Variants in DGKG observed in about 807,000 individuals in gnomAD.
The protein encoded by DGKG is DAG kinase gamma.
In DGKG, 78 loss-of-function variants were observed where a neutral mutation model predicts 105.3. The observed-to-expected ratio is 0.74, with a 90% CI of 0.62 to 0.89. DGKG has a LOEUF of 0.89. Ranked by LOEUF, DGKG falls within the 40% of genes least tolerant of loss-of-function variation. DGKG has a pLI of 0.00. For synonymous variants in DGKG, 346 were observed against 367.1 expected (o/e 0.94, Z 0.66); for missense variants, 958 against 1,020.1 (o/e 0.94, Z 0.83).
intron 1 of DGKG, among the ~76,000 whole-genome samples, chr3:186,357,882 A>G (rs1286223727): frequency 6.6e-6 from 1 of 152,280 alleles, no homozygotes; most frequent in East Asian, 1.9e-4. Flanking sequence ...TATGATAGCC[A>G]GAAATCACAT....
intron 22 of DGKG, among the ~76,000 whole-genome samples, chr3:186,180,391 C>T (rs951028768): frequency 6.6e-6 from 1 of 152,104 alleles, no homozygotes; most frequent in Non-Finnish European, 1.5e-5. Context: ...ACGGGAATGA[C>T]ATGTATGTTG....
At chr3:186,228,028 A>G (rs981959594) in intron 20 of DGKG, among the ~76,000 whole-genome samples, 2 of 152,234 alleles carry the variant, frequency 1.3e-5, no homozygotes, top group Non-Finnish European at 2.9e-5. Flanking sequence ...AAACAAACAA[A>G]GAGACATGTT....
chr3:186,281,023 A>C (rs1722807383), intron 7 of DGKG: 1 of 306,694 alleles, frequency 3.3e-6, no homozygotes, highest in Non-Finnish European at 6.2e-6. Flanking sequence ...CTGTGCTTTA[A>C]CTTGGAAAGC....
intron 1 of DGKG, among the ~76,000 whole-genome samples, chr3:186,353,596 CACACACAT>C (rs1726746817): frequency 6.8e-6 from 1 of 147,142 alleles, no homozygotes; most frequent in African/African-American, 2.5e-5. Flanking sequence ...TATATACACA[CACACACAT>C]ACACATATAT....
intron 3 of DGKG, among the ~76,000 whole-genome samples, chr3:186,302,779 G>T (rs1724042493): frequency 6.6e-6 from 1 of 151,888 alleles, no homozygotes; most frequent in South Asian, 2.1e-4. Context: ...TGCAATGTGT[G>T]GTCATCAGTG....
chr3:186,294,520 G>C (rs190308673), intron 5 of DGKG, among the ~76,000 whole-genome samples: 213 of 127,750 alleles, frequency 1.7e-3, no homozygotes, highest in Middle Eastern at 9.9e-3. Context: ...TGGGCAACAA[G>C]AGTGAAACTC....
chr3:186,310,287 AAAC>A lies in DGKG; in HGVS notation c.68-3313_68-3311del, dbSNP rs1384113486. On this transcript the variant is annotated intron_variant, in intron 2 of 24. Coordinates refer to ENST00000265022, the MANE Select transcript of DGKG (RefSeq NM_001346.3). ...TCTCAAAAAAAAAAAAAAAAAAAAAAAACCACACACACACAACAAGAATCCAGG... is the reference window on the plus strand; with the variant it reads ...TCTCAAAAAAAAAAAAAAAAAAAAAACACACACACACAACAAGAATCCAGG... Among the ~76,000 whole-genome samples, 217 of 148,534 alleles carry A rather than the reference AAAC, an allele frequency of 1.5e-3. 1 individual carries two copies. The highest frequency in any genetic ancestry group is 5.1e-3 in the African/African-American group (205 of 40,162).
chr3:186,350,312 A>G (rs895333119), intron 1 of DGKG, among the ~76,000 whole-genome samples: 1 of 152,168 alleles, frequency 6.6e-6, no homozygotes, highest in Admixed American at 6.5e-5. Context: ...TTTAACTACT[A>G]TAAGTACCTC....
chr3:186,239,745 C>A (rs933503213), intron 20 of DGKG, among the ~76,000 whole-genome samples: 3 of 152,170 alleles, frequency 2.0e-5, no homozygotes, highest in Non-Finnish European at 4.4e-5. Context: ...CCATGTCATC[C>A]ATGCTACCTT....
At chr3:186,187,071 T>C (rs1008092759) in intron 22 of DGKG, among the ~76,000 whole-genome samples, 4 of 152,146 alleles carry the variant, frequency 2.6e-5, no homozygotes, top group Non-Finnish European at 5.9e-5. Flanking sequence ...TGGGAGGTAA[T>C]GAGAGGCCAA....
chr3:186,261,190 G>A (rs971650284), intron 15 of DGKG, among the ~76,000 whole-genome samples: 4 of 152,148 alleles, frequency 2.6e-5, no homozygotes, highest in African/African-American at 7.2e-5. Flanking sequence ...TAATGATCCC[G>A]GAATTGGGAG....
intron 22 of DGKG, among the ~76,000 whole-genome samples, chr3:186,173,592 T>C (rs1716932166): frequency 6.6e-6 from 1 of 152,272 alleles, no homozygotes; most frequent in Admixed American, 6.5e-5. Context: ...GAGATGGGCA[T>C]GTGTCCTTGG....
At chr3:186,250,423 T>C (rs561450375) in intron 19 of DGKG, among the ~76,000 whole-genome samples, 215 of 152,154 alleles carry the variant, frequency 1.4e-3, no homozygotes, top group Non-Finnish European at 2.4e-3. Flanking sequence ...CAACTCACCA[T>C]GGCACACACT....
At position 186,306,928 on chromosome 3, in the gene DGKG, C is replaced by G; in HGVS notation, c.117G>C (p.Gly39=). The change falls in exon 3 of 25, where the codon GGG becomes GGC. Residue 39 remains glycine, a synonymous_variant. Transcript: ENST00000265022. The part of the protein sequence containing the change: ...KDALTEFNEG[G]SLKQYDPHEP... ...CATGTGGGTCATATTGTTTGAGGCT[C>G]CCACCCTCATTAAATTCAGTCAAGG... The G allele has an allele frequency of 6.2e-7, 1 of 1,612,420 alleles. No homozygotes were observed. The highest frequency in any genetic ancestry group is 1.3e-5 in the African/African-American group (1 of 74,984).
intron 22 of DGKG, among the ~76,000 whole-genome samples, chr3:186,171,981 A>G (rs1383977105): frequency 7.3e-5 from 11 of 151,576 alleles, no homozygotes; most frequent in Admixed American, 7.2e-4. Flanking sequence ...TCAGCCTCCC[A>G]ATTTTCTGGG....
At chr3:186,167,718 G>A (rs1416769837) in intron 22 of DGKG, among the ~76,000 whole-genome samples, 1 of 152,084 alleles carries the variant, frequency 6.6e-6, no homozygotes, top group Non-Finnish European at 1.5e-5. Context: ...CAACTGACTA[G>A]TATTTAAGAT....
At chr3:186,154,995 G>T (rs770847844) in intron 24 of DGKG, among the ~76,000 whole-genome samples, 1 of 152,066 alleles carries the variant, frequency 6.6e-6, no homozygotes, top group South Asian at 2.1e-4. Flanking sequence ...TTCTGCTATC[G>T]TCTAACTCTG....
intron 21 of DGKG, among the ~76,000 whole-genome samples, chr3:186,207,966 C>G (rs1169229541): frequency 6.6e-6 from 1 of 152,248 alleles, no homozygotes; most frequent in Non-Finnish European, 1.5e-5. Context: ...GACCAAGTCT[C>G]CTATTCCTTC....
chr3:186,175,555 G>A (rs536552810), intron 22 of DGKG, among the ~76,000 whole-genome samples: 3 of 152,270 alleles, frequency 2.0e-5, no homozygotes, highest in East Asian at 3.9e-4. Context: ...GAATGTCCCA[G>A]TGGCTCTGAA....
Sources: gnomAD v4.1 joint callset for allele counts (sites outside exome capture counted in the v4.1 genomes callset) on GRCh38, gnomAD v4.1.1 for gene constraint, MANE v1.5 for transcripts, NCBI Gene and HGNC (gene_info 2026-07-23, HGNC 2026-07-21) for gene names.